Variants in ALB observed in about 807,000 individuals in gnomAD.
ALB encodes the protein albumin, also known as serum albumin.
In ALB, 37 loss-of-function variants were observed where a neutral mutation model predicts 74.5. The ratio of observed to expected loss-of-function variants is 0.50; its 90% CI spans 0.38 to 0.65. ALB has a LOEUF of 0.65. ALB is among the 30% of genes least tolerant of loss of function. ALB has a pLI of 0.00. For synonymous variants in ALB, 249 were observed against 251.6 expected, an observed-to-expected ratio of 0.99 and a Z score of 0.10; for missense variants, 685 against 718.7, an observed-to-expected ratio of 0.95 and a Z score of 0.54.
rs769192281 is a variant in ALB at position 73,419,856 on chromosome 4, T to G, written c.1785+217T>G. ...TGTTAAATGTTTATAATGCCTGTTC[T>G]GTTTCCAAATTTGTGATGCTTATGA... On this transcript the variant is annotated intron_variant, in intron 13 of 14. Coordinates refer to ENST00000295897, the MANE Select transcript of ALB (RefSeq NM_000477.7). 3.9e-5 allele frequency among the ~76,000 whole-genome samples: 6 copies of G among 152,222 alleles called. No homozygotes were observed. In the South Asian group the frequency reaches 1.0e-3, roughly 26 times the overall value.
At position 73,417,649 on chromosome 4, in the gene ALB, A is replaced by C; in HGVS notation, c.1408A>C (p.Met470Leu). 6.2e-7 allele frequency: 1 copy of C among 1,613,932 alleles called. No homozygotes were observed. Reference protein sequence around the residue: ...KCCKHPEAKRMPCAEDYLSVV... With the variant: ...KCCKHPEAKRLPCAEDYLSVV... ...TTGTAAACATCCTGAAGCAAAAAGA[A>C]TGCCCTGTGCAGAAGACTATGTGAG... is the stretch of plus-strand genomic sequence containing the variant. The change falls in exon 11 of 15, where the codon ATG becomes CTG. Residue 470 changes from methionine to leucine, a missense_variant. Coordinates refer to ENST00000295897, the MANE Select transcript of ALB (RefSeq NM_000477.7).
In ALB at chr4:73,408,677, A is replaced by G. The variant is rs780495883; in HGVS notation, c.354A>G (p.Gln118=). 2 of 1,614,104 alleles carry G rather than the reference A, an allele frequency of 1.2e-6. No individual in the cohort carries two copies. Among genetic ancestry groups the G allele is most frequent in the Non-Finnish European group, 1.7e-6 (2 of 1,179,958 alleles). The part of the protein sequence containing the change: ...YGEMADCCAK[Q]EPERNECFLQ... ...AAATGGCTGACTGCTGTGCAAAACA[A>G]GAACCTGAGAGAAATGAATGCTTCT... The change falls in exon 4 of 15, where the codon CAA becomes CAG. Residue 118 remains glutamine (Q), a synonymous_variant. Transcript: ENST00000295897.
At chr4:73,414,994 C>A in intron 8 of ALB, 41 bp from the exon 9 acceptor site, 2 of 1,609,042 alleles carry the variant, frequency 1.2e-6, no homozygotes, top group South Asian at 2.2e-5. Flanking sequence ...TTTTTGTGCT[C>A]ATTTGTCCAA....
At chr4:73,420,395 C>G in intron 14 of ALB, 74 bp downstream of exon 14, 1 of 1,045,904 alleles carries the variant, frequency 9.6e-7, no homozygotes, top group Non-Finnish European at 1.4e-6. Context: ...TGACCATTTC[C>G]AAGAGCCATA....
chr4:73,407,365 CTT>C (rs1385663132), intron 3 of ALB, among the ~76,000 whole-genome samples: 1 of 152,154 alleles, frequency 6.6e-6, no homozygotes, highest in Non-Finnish European at 1.5e-5. Context: ...TACTGTTTAT[CTT>C]TTTATGACTG....
In ALB at chr4:73,420,285, C is replaced by CCTTAGG. The variant is rs1719112386; in HGVS notation, c.1822_1827dup (p.Gly608_Leu609dup). The CCTTAGG allele has an allele frequency of 6.2e-7, 1 of 1,612,700 alleles. No homozygotes were observed. The highest frequency in any genetic ancestry group is 8.5e-7 in the Non-Finnish European group (1 of 1,179,144). The stretch of plus-strand genomic sequence containing the variant: ...AAACTTGTTGCTGCAAGTCAAGCTG[C>CCTTAGG]CTTAGGCTTATAACATCACATTTAA... On this transcript the variant is annotated inframe_insertion, in exon 14 of 15. Transcript: ENST00000295897.
chr4:73,405,535 T>C (rs1246547207), intron 2 of ALB, among the ~76,000 whole-genome samples: 1 of 152,188 alleles, frequency 6.6e-6, no homozygotes, highest in African/African-American at 2.4e-5. Context: ...CTTTGGTGGC[T>C]TACCCACTAA....
intron 5 of ALB, among the ~76,000 whole-genome samples, chr4:73,409,709 G>T (rs993599473): frequency 8.5e-5 from 13 of 152,126 alleles, no homozygotes; most frequent in African/African-American, 2.9e-4. Flanking sequence ...TAATCACTGT[G>T]CATGTGTTTA....
chr4:73,407,017 A>G (rs1016064318), intron 3 of ALB, among the ~76,000 whole-genome samples: 6 of 152,184 alleles, frequency 3.9e-5, no homozygotes, highest in Admixed American at 3.9e-4. Flanking sequence ...GCAATTTGTC[A>G]TTTATAAACA....
At chr4:73,418,829 A>G (rs1719080360) in intron 12 of ALB, among the ~76,000 whole-genome samples, 1 of 152,174 alleles carries the variant, frequency 6.6e-6, no homozygotes, top group Non-Finnish European at 1.5e-5. Context: ...ATTTAGCTAT[A>G]GAAAGTTGCT....
In ALB at chr4:73,414,894, A is replaced by G. The variant is rs190328162; in HGVS notation, c.1059-141A>G. 100 of 1,011,636 alleles carry G rather than the reference A, an allele frequency of 9.9e-5. No homozygotes were observed. The East Asian group carries it at 2.3e-3, about 24-fold the overall frequency. 62.7% of individuals were successfully genotyped at this position (1,011,636 alleles called of 1,614,324 possible). ...TTGGTAACTTTAACTCTGGACCCCAAGTCCTTAGCTACTAAGCTTTACTGC... is the reference window on the plus strand; with the variant it reads ...TTGGTAACTTTAACTCTGGACCCCAGGTCCTTAGCTACTAAGCTTTACTGC... On this transcript the variant is annotated intron_variant, in intron 8 of 14. Transcript: ENST00000295897.
At chr4:73,410,466 A>G (rs1718845463) in intron 6 of ALB, 57 bp downstream of exon 6, 14 of 1,270,172 alleles carry the variant, frequency 1.1e-5, no homozygotes, top group Non-Finnish European at 1.6e-5. Context: ...ATAATGCTTC[A>G]GTGACAAATT....
intron 3 of ALB, 64 bp from the exon 4 acceptor site, chr4:73,408,530 T>C: frequency 7.1e-7 from 1 of 1,404,152 alleles, no homozygotes; most frequent in Non-Finnish European, 1.0e-6. Flanking sequence ...TCCTTTGTAC[T>C]GTTCTTTGGC....
Position 73,421,159 on chromosome 4 carries a change from G to C in ALB, c.*91G>C, listed in dbSNP as rs1313176996. The C allele has an allele frequency of 1.5e-6, 1 of 688,424 alleles. No homozygotes were observed. The highest frequency in any genetic ancestry group is 2.1e-5 in the Admixed American group (1 of 47,370). 42.6% of individuals were successfully genotyped at this position (688,424 alleles called of 1,614,324 possible). ...TATTCATCTGTTTTTCTTTTTCGTT[G>C]GTGTAAAGCCAACACCCTGTCTAAA... On this transcript the variant is annotated 3_prime_UTR_variant, in exon 15 of 15. Transcript: ENST00000295897.
chr4:73,417,634 C>T lies in ALB; in HGVS notation c.1393C>T (p.Pro465Ser), dbSNP rs1342160557. Residue 465 changes from proline (P) to serine (S), a missense_variant, in exon 11 of 15, where the codon CCT becomes TCT. Pro to Ser is a moderately conservative substitution (Grantham distance 74). Coordinates refer to ENST00000295897, the MANE Select transcript of ALB (RefSeq NM_000477.7). ...AGTGGGCAGCAAATGTTGTAAACAT[C>T]CTGAAGCAAAAAGAATGCCCTGTGC... ...GKVGSKCCKH[P>S]EAKRMPCAED... The T allele has an allele frequency of 6.2e-7, 1 of 1,613,526 alleles. No homozygotes were observed. The highest frequency in any genetic ancestry group is 8.5e-7 in the Non-Finnish European group (1 of 1,179,802).
intron 7 of ALB, chr4:73,413,162 C>T (rs1718922334): frequency 9.4e-6 from 4 of 427,740 alleles, no homozygotes; most frequent in Admixed American, 3.9e-5. Context: ...ACTTAAATGC[C>T]CTAACAGTAG....
intron 6 of ALB, among the ~76,000 whole-genome samples, chr4:73,411,505 T>C (rs1180020426): frequency 2.6e-5 from 4 of 152,196 alleles, no homozygotes; most frequent in Non-Finnish European, 5.9e-5. Context: ...TGTGTTTCAA[T>C]TGAGAAAAAA....
Position 73,419,507 on chromosome 4 carries a change from T to G in ALB, c.1653T>G (p.Thr551=), listed in dbSNP as rs1446290797. 1 of 1,613,000 alleles carries G rather than the reference T, an allele frequency of 6.2e-7. No individual in the cohort carries two copies. Among genetic ancestry groups the G allele is most frequent in the East Asian group, 2.2e-5 (1 of 44,862 alleles). ...SEKERQIKKQ[T]ALVELVKHKP... Reference sequence around the variant, plus strand: ...TTTTTCTTTTTCCATTCAAACTCAGTGCACTTGTTGAGCTCGTGAAACACA... The same window carrying G: ...TTTTTCTTTTTCCATTCAAACTCAGGGCACTTGTTGAGCTCGTGAAACACA... Residue 551 remains threonine (T), a splice_region_variant and synonymous_variant, in exon 13 of 15, where the codon ACT becomes ACG. Transcript: ENST00000295897.
At chr4:73,406,858 G>A in intron 3 of ALB, 97 bp downstream of exon 3, 1 of 1,430,550 alleles carries the variant, frequency 7.0e-7, no homozygotes, top group Non-Finnish European at 9.6e-7. Flanking sequence ...TTATTATTAA[G>A]TGTCCTGATT....
Sources: gnomAD v4.1 joint callset for allele counts (sites outside exome capture counted in the v4.1 genomes callset) on GRCh38, gnomAD v4.1.1 for gene constraint, MANE v1.5 for transcripts, NCBI Gene and HGNC (gene_info 2026-07-23, HGNC 2026-07-21) for gene names.